IMMP2L: variants seen among roughly 807,000 people sequenced by gnomAD.
IMMP2L encodes the protein mitochondrial inner membrane protease subunit 2.
Under a neutral mutation model 19.3 loss-of-function variants are expected in IMMP2L, and 18 were observed. The observed-to-expected ratio is 0.93, with a 90% confidence interval of 0.64 to 1.38. IMMP2L has a LOEUF of 1.38. Ranked by LOEUF, IMMP2L falls within the 40% of genes most tolerant of loss-of-function variation. The probability of loss-of-function intolerance (pLI) is 0.00; values close to 1 mark genes in which losing one functional copy is unlikely to be tolerated. For missense variants in IMMP2L, 233 were observed against 218.2 expected, an observed-to-expected ratio of 1.07 and a Z score of -0.43; for synonymous variants, 76 against 73.0, an observed-to-expected ratio of 1.04 and a Z score of -0.21.
chr7:111,117,319 A>C (rs1464278340), intron 3 of IMMP2L, among the ~76,000 whole-genome samples: 1 of 152,142 alleles, frequency 6.6e-6, no homozygotes, highest in Admixed American at 6.5e-5. Context: ...CTTACAACTC[A>C]TGCAACCAAA....
chr7:111,393,003 A>G, intron 3 of IMMP2L: 1 of 361,388 alleles, frequency 2.8e-6, no homozygotes, highest in South Asian at 2.1e-5. Context: ...GCTGCATTAC[A>G]TAAGCGTTAT....
chr7:110,826,315 G>C (rs1803482889), intron 5 of IMMP2L, among the ~76,000 whole-genome samples: 1 of 152,150 alleles, frequency 6.6e-6, no homozygotes, highest in African/African-American at 2.4e-5. Flanking sequence ...AATACCATTT[G>C]ACCCAGCTAT....
chr7:111,216,228 C>T (rs2129619719), intron 3 of IMMP2L, among the ~76,000 whole-genome samples: 1 of 152,204 alleles, frequency 6.6e-6, no homozygotes, highest in East Asian at 1.9e-4. Flanking sequence ...TTGAGATAGT[C>T]TCTTCTCAAG....
intron 5 of IMMP2L, among the ~76,000 whole-genome samples, chr7:110,721,627 A>G (rs1795578206): frequency 6.6e-6 from 1 of 152,138 alleles, no homozygotes; most frequent in East Asian, 1.9e-4. Context: ...TTTAGAGAAC[A>G]TTTCAGTCTC....
chr7:111,367,298 C>T (rs952690068), intron 3 of IMMP2L, among the ~76,000 whole-genome samples: 2 of 151,578 alleles, frequency 1.3e-5, no homozygotes, highest in South Asian at 2.1e-4. Flanking sequence ...AATAAGAATA[C>T]GAAGAGCCCT....
intron 1 of IMMP2L, among the ~76,000 whole-genome samples, chr7:111,543,878 C>T (rs574866521): frequency 1.4e-4 from 22 of 152,126 alleles, no homozygotes; most frequent in African/African-American, 3.4e-4. Flanking sequence ...GACTTTTTTC[C>T]GCACATCTCC....
At chr7:111,337,231 G>C (rs567798322) in intron 3 of IMMP2L, among the ~76,000 whole-genome samples, 1 of 151,944 alleles carries the variant, frequency 6.6e-6, no homozygotes, top group African/African-American at 2.4e-5. Flanking sequence ...ATTATAAAAA[G>C]TAATACACTA....
chr7:111,463,839 A>G (rs377766997), intron 3 of IMMP2L, among the ~76,000 whole-genome samples: 4 of 152,302 alleles, frequency 2.6e-5, no homozygotes, highest in African/African-American at 9.6e-5. Flanking sequence ...CCAAGGCCCT[A>G]TCTGGTACAC....
chr7:110,825,406 T>C (rs1803387131), intron 5 of IMMP2L, among the ~76,000 whole-genome samples: 2 of 152,158 alleles, frequency 1.3e-5, no homozygotes, highest in Non-Finnish European at 2.9e-5. Context: ...ACAACAGAGC[T>C]GGAGGCATCA....
chr7:111,059,935 A>G (rs950088675), intron 3 of IMMP2L, among the ~76,000 whole-genome samples: 6 of 142,636 alleles, frequency 4.2e-5, no homozygotes, highest in Admixed American at 7.0e-5. Flanking sequence ...AAAAAAAAAA[A>G]GAAAAAAAAA....
At chr7:111,019,429 G>A (rs956765000) in intron 3 of IMMP2L, among the ~76,000 whole-genome samples, 6 of 152,150 alleles carry the variant, frequency 3.9e-5, no homozygotes, top group Non-Finnish European at 8.8e-5. Context: ...GGAAACTGCA[G>A]TGGTTGAGAG....
intron 4 of IMMP2L, among the ~76,000 whole-genome samples, chr7:110,890,899 C>T: frequency 6.6e-6 from 1 of 151,930 alleles, no homozygotes; most frequent in East Asian, 1.9e-4. Context: ...CGGGTGAATA[C>T]AAAAGTATTG....
chr7:111,366,114 A>G (rs1563106478), intron 3 of IMMP2L, among the ~76,000 whole-genome samples: 1 of 152,088 alleles, frequency 6.6e-6, no homozygotes, highest in Non-Finnish European at 1.5e-5. Flanking sequence ...ACGGTCTCTG[A>G]GTATCTCCCC....
chr7:111,144,828 C>T (rs1213248671), intron 3 of IMMP2L, among the ~76,000 whole-genome samples: 1 of 152,084 alleles, frequency 6.6e-6, no homozygotes, highest in East Asian at 1.9e-4. Flanking sequence ...CCTAATGTTA[C>T]TAACAGTCTT....
At chr7:111,313,432 C>A (rs540371796) in intron 3 of IMMP2L, among the ~76,000 whole-genome samples, 1 of 152,118 alleles carries the variant, frequency 6.6e-6, no homozygotes, top group Non-Finnish European at 1.5e-5. Flanking sequence ...GTCACAAAAC[C>A]AAACAATAAT....
intron 3 of IMMP2L, among the ~76,000 whole-genome samples, chr7:111,126,046 C>T (rs1228827182): frequency 6.6e-6 from 1 of 152,042 alleles, no homozygotes; most frequent in Non-Finnish European, 1.5e-5. Context: ...TGCTCTCGAA[C>T]TCCTGGCCTC....
intron 3 of IMMP2L, among the ~76,000 whole-genome samples, chr7:111,302,463 C>T (rs1030944866): frequency 6.6e-6 from 1 of 152,136 alleles, no homozygotes; most frequent in African/African-American, 2.4e-5. Flanking sequence ...AACAAAAACA[C>T]ATCTATACAT....
intron 3 of IMMP2L, among the ~76,000 whole-genome samples, chr7:111,043,677 GT>G (rs1172208466): frequency 6.6e-6 from 1 of 152,204 alleles, no homozygotes; most frequent in Non-Finnish European, 1.5e-5. Flanking sequence ...TGATATAATA[GT>G]TTTTTAGTCT....
At chr7:111,451,058 C>T (rs2131907348) in intron 3 of IMMP2L, among the ~76,000 whole-genome samples, 1 of 147,518 alleles carries the variant, frequency 6.8e-6, no homozygotes, top group East Asian at 1.9e-4. Context: ...AGTCAGGAAA[C>T]AACAGGTGCT....
Sources: allele counts gnomAD v4.1 joint callset (sites outside exome capture counted in the v4.1 genomes callset), GRCh38; gene constraint gnomAD v4.1.1; transcripts MANE v1.5; gene names NCBI Gene and HGNC (gene_info 2026-07-23, HGNC 2026-07-21).